Variants in SERPINE3 observed in about 807,000 individuals in gnomAD.
SERPINE3 encodes serpin E3.
Under a neutral mutation model 41.7 loss-of-function variants are expected in SERPINE3, and 43 were observed. The observed-to-expected ratio is 1.03, with a 90% CI of 0.81 to 1.33. The LOEUF (loss-of-function observed/expected upper bound fraction) is 1.33. Ranked by LOEUF, SERPINE3 falls within the 40% of genes most tolerant of loss-of-function variation. The pLI is 0.00. For synonymous variants in SERPINE3, 200 were observed against 192.2 expected (o/e 1.04, Z -0.34); for missense variants, 440 against 491.7 (o/e 0.89, Z 0.99).
chr13:51,348,556 A>C, intron 6 of SERPINE3, 145 bp downstream of exon 6: 1 of 642,194 alleles, frequency 1.6e-6, no homozygotes. Context: ...TTAGACCAAG[A>C]GGAAGTGACC....
chr13:51,340,994 G>A, intron 2 of SERPINE3, 81 bp from the exon 3 acceptor site: 2 of 1,404,276 alleles, frequency 1.4e-6, no homozygotes, highest in South Asian at 2.6e-5. Flanking sequence ...CAGAGCTGGG[G>A]GTCCCAGTCC....
intron 7 of SERPINE3, among the ~76,000 whole-genome samples, 170 bp from the exon 8 acceptor site, chr13:51,361,108 C>T (rs1183466233): frequency 6.6e-6 from 1 of 151,576 alleles, no homozygotes; most frequent in African/African-American, 2.4e-5. Context: ...CAAACAGCTA[C>T]CTGAGCCTCC....
Position 51,351,785 on chromosome 13 carries a change from G to GTCTT in SERPINE3, c.900-3256_900-3253dup, listed in dbSNP as rs1268716312. On this transcript the variant is annotated intron_variant, in intron 6 of 9. Coordinates refer to ENST00000681248, the MANE Select transcript of SERPINE3 (RefSeq NM_001386375.1). ...TTATAGGCTTAGCTCTTACATTTAG[G>GTCTT]TCTTTAATCCATTTTGAATTAATTA... Among the ~76,000 whole-genome samples, 12 of 152,106 alleles carry GTCTT rather than the reference G, an allele frequency of 7.9e-5. No homozygotes were observed. The East Asian group carries it at 2.3e-3, about 29-fold the overall frequency.
chr13:51,347,023 A>G lies in SERPINE3; in HGVS notation c.491-2A>G. On this transcript the variant is annotated splice_acceptor_variant, in intron 4 of 9. Coordinates refer to ENST00000681248, the MANE Select transcript of SERPINE3 (RefSeq NM_001386375.1). LOFTEE classifies it high-confidence loss of function. ...ATGGCCACCTTGCTTTCCTGCTTGCAGGTGGGGGCCCCAGTGAGGGCCCTG... is the reference window on the plus strand; with the variant it reads ...ATGGCCACCTTGCTTTCCTGCTTGCGGGTGGGGGCCCCAGTGAGGGCCCTG... The G allele has an allele frequency of 6.4e-7, 1 of 1,572,674 alleles. No individual in the cohort carries two copies. The highest frequency in any genetic ancestry group is 1.3e-5 in the African/African-American group (1 of 74,148).
intron 9 of SERPINE3, chr13:51,362,369 A>G (rs912447660): frequency 1.2e-5 from 2 of 171,694 alleles, no homozygotes; most frequent in Non-Finnish European, 2.4e-5. Context: ...CAAAAATCAA[A>G]TGTTTGCCCT....
chr13:51,347,679 G>A (rs1460834431), intron 5 of SERPINE3, among the ~76,000 whole-genome samples: 2 of 152,136 alleles, frequency 1.3e-5, no homozygotes, highest in African/African-American at 4.8e-5. Flanking sequence ...TAATTCTCAA[G>A]TTTTAAACTG....
rs115761775 is a variant in SERPINE3, at chr13:51,340,128, C to T, written c.-96+385C>T. 6.1e-3 allele frequency among the ~76,000 whole-genome samples: 936 copies of T among 152,200 alleles called. 10 individuals carry two copies. The highest frequency in any genetic ancestry group is 0.022 in the African/African-American group (893 of 41,522). On this transcript the variant is annotated intron_variant, in intron 1 of 9. Transcript: ENST00000681248. ...GTGAGTTGGAGAGAGTGAGTGTGAG[C>T]GTGAGTAGCAGGGTGAGCTGCTCAC...
chr13:51,342,462 C>T (rs1009417129), intron 3 of SERPINE3, among the ~76,000 whole-genome samples: 1 of 152,216 alleles, frequency 6.6e-6, no homozygotes, highest in Admixed American at 6.5e-5. Context: ...GAGTGTTTAG[C>T]ACAATGTCTA....
In SERPINE3 at chr13:51,347,295, G is replaced by C. The variant is rs1236555325; in HGVS notation, c.700+61G>C. 5.6e-6 allele frequency: 8 copies of C among 1,435,170 alleles called. No individual in the cohort carries two copies. In the Admixed American group the frequency reaches 1.1e-4, roughly 20 times the overall value. The allele number at this position is 1,435,170 out of a possible 1,614,324, so 88.9% of individuals were successfully genotyped here. On this transcript the variant is annotated intron_variant, in intron 5 of 9. Transcript: ENST00000681248. ...AGGAAGCCTGGGCCTGAGGGCAGGA[G>C]AGAGGAGGCCAGGTCCCTGCTCCTA... is the stretch of plus-strand genomic sequence containing the variant.
chr13:51,352,663 C>T (rs1222399244), intron 6 of SERPINE3, among the ~76,000 whole-genome samples: 1 of 151,982 alleles, frequency 6.6e-6, no homozygotes, highest in African/African-American at 2.4e-5. Flanking sequence ...TGTCTTGTTC[C>T]TGATCTTAGG....
intron 6 of SERPINE3, among the ~76,000 whole-genome samples, chr13:51,348,968 C>T (rs116600266): frequency 0.02 from 3,118 of 152,246 alleles, 53 homozygotes; most frequent in African/African-American, 0.048. Context: ...TTTAAGAAGA[C>T]CCAATAGGTA....
chr13:51,358,474 G>A (rs1298358248), intron 7 of SERPINE3, among the ~76,000 whole-genome samples: 2 of 152,112 alleles, frequency 1.3e-5, no homozygotes, highest in African/African-American at 4.8e-5. Flanking sequence ...TCATTTGGCT[G>A]AGACTTGCAG....
chr13:51,356,373 C>A (rs764146491), intron 7 of SERPINE3, among the ~76,000 whole-genome samples: 8 of 152,024 alleles, frequency 5.3e-5, no homozygotes, highest in Non-Finnish European at 8.8e-5. Flanking sequence ...AAGGAAAGAG[C>A]AAGGGATGAA....
Position 51,364,332 on chromosome 13 carries a change from T to G in SERPINE3, c.*50T>G. The G allele has an allele frequency of 9.1e-7, 1 of 1,101,514 alleles. No homozygotes were observed. 68.2% of individuals were successfully genotyped at this position (1,101,514 alleles called of 1,614,324 possible). A position where few individuals can be genotyped will look rare whatever the true frequency, so the allele number is the denominator to read the frequency against. On this transcript the variant is annotated 3_prime_UTR_variant, in exon 10 of 10. Coordinates refer to ENST00000681248, the MANE Select transcript of SERPINE3 (RefSeq NM_001386375.1). Reference sequence around the variant, plus strand: ...TGCTTTTCTTCATAAAGTTATAATTTCATTTTGCTATACCCTTGAAATTTA... The same window carrying G: ...TGCTTTTCTTCATAAAGTTATAATTGCATTTTGCTATACCCTTGAAATTTA...
At chr13:51,362,024 C>A in intron 9 of SERPINE3, 131 bp downstream of exon 9, 1 of 1,602,596 alleles carries the variant, frequency 6.2e-7, no homozygotes, top group Admixed American at 1.7e-5. Flanking sequence ...TCAGAAGCTA[C>A]CCAGTTGCTA....
At chr13:51,355,918 T>G (rs1158260424) in intron 7 of SERPINE3, among the ~76,000 whole-genome samples, 1 of 152,174 alleles carries the variant, frequency 6.6e-6, no homozygotes, top group Non-Finnish European at 1.5e-5. Flanking sequence ...GGCCTTGACA[T>G]TTCCCTTACC....
At chr13:51,353,735 T>C (rs1235075629) in intron 6 of SERPINE3, among the ~76,000 whole-genome samples, 1 of 152,246 alleles carries the variant, frequency 6.6e-6, no homozygotes, top group Non-Finnish European at 1.5e-5. Context: ...GAAAGTATGA[T>C]ACTTTTGTTT....
chr13:51,342,374 G>T lies in SERPINE3; in HGVS notation c.256+1027G>T, dbSNP rs74315725. On this transcript the variant is annotated intron_variant, in intron 3 of 9. Coordinates refer to ENST00000681248, the MANE Select transcript of SERPINE3 (RefSeq NM_001386375.1). ...TGTTAATCTGTCTGGGCCTCTGCTCGCTCATATATAAAATGGGGATAATAA... is the reference window on the plus strand; with the variant it reads ...TGTTAATCTGTCTGGGCCTCTGCTCTCTCATATATAAAATGGGGATAATAA... 3.3e-5 allele frequency among the ~76,000 whole-genome samples: 5 copies of T among 152,124 alleles called. No homozygotes were observed. The East Asian group carries it at 9.7e-4, about 30-fold the overall frequency.
intron 5 of SERPINE3, among the ~76,000 whole-genome samples, chr13:51,348,004 G>T (rs980862066): frequency 4.6e-5 from 7 of 152,092 alleles, no homozygotes; most frequent in Non-Finnish European, 4.4e-5. Flanking sequence ...CTGGTCCTGT[G>T]AGGGTATCTT....
Sources: allele counts gnomAD v4.1 joint callset (sites outside exome capture counted in the v4.1 genomes callset), GRCh38; gene constraint gnomAD v4.1.1; transcripts MANE v1.5; gene names NCBI Gene and HGNC (gene_info 2026-07-23, HGNC 2026-07-21).